The following AZGP1 variants were observed in gnomAD, a reference collection of about 807,000 sequenced individuals.
The protein encoded by AZGP1 is alpha-2-glycoprotein 1, zinc-binding, also known as zinc-alpha-2-glycoprotein.
In AZGP1, 28 loss-of-function variants were observed where a neutral mutation model predicts 31.5. The ratio of observed to expected loss-of-function variants is 0.89; its 90% CI spans 0.66 to 1.22. AZGP1 has a LOEUF of 1.22. Among genes scored for constraint, AZGP1 ranks in the 50% most tolerant of loss-of-function variants. The pLI, the probability that AZGP1 is intolerant of heterozygous loss-of-function variation, is 0.00. For missense variants in AZGP1, 361 were observed against 371.8 expected, an observed-to-expected ratio of 0.97 and a Z score of 0.24; for synonymous variants, 135 against 145.4, an observed-to-expected ratio of 0.93 and a Z score of 0.51.
rs749157495 is a variant in AZGP1 at position 99,968,381 on chromosome 7, T to A, written c.387A>T (p.Arg129Ser). 6.2e-7 allele frequency: 1 copy of A among 1,613,812 alleles called. No homozygotes were observed. Among genetic ancestry groups the A allele is most frequent in the Non-Finnish European group, 8.5e-7 (1 of 1,179,980 alleles). Residue 129 changes from arginine (R) to serine (S), a missense_variant, in exon 3 of 4, where the codon AGA becomes AGT. By Grantham distance (110) the Arg-to-Ser change is moderately radical. Transcript: ENST00000292401. Reference protein sequence around the residue: ...GRFGCEIENNRSSGAFWKYYY... With the variant: ...GRFGCEIENNSSSGAFWKYYY... ...AATATTTCCAGAATGCTCCGCTGCT[T>A]CTGTTATTCTCGATCTCACAACCAA... is the stretch of plus-strand genomic sequence containing the variant.
chr7:99,972,041 T>A, intron 1 of AZGP1, 35 bp from the exon 2 acceptor site: 1 of 1,570,332 alleles, frequency 6.4e-7, no homozygotes, highest in Non-Finnish European at 8.6e-7. Flanking sequence ...TTGAGGTCCA[T>A]GCAAGGGTCC....
intron 3 of AZGP1, chr7:99,967,618 GCAA>G: frequency 6.6e-6 from 3 of 451,130 alleles, no homozygotes; most frequent in Non-Finnish European, 8.0e-6. Context: ...CCTCTATCCA[GCAA>G]CCACTTCCCT....
intron 2 of AZGP1, among the ~76,000 whole-genome samples, chr7:99,969,408 T>TAA (rs3033213): frequency 0.42 from 59,648 of 141,252 alleles, 13,193 homozygotes; most frequent in East Asian, 0.62. Context: ...GACTCAGTCT[T>TAA]AAAAAAAAAA....
intron 1 of AZGP1, 132 bp from the exon 2 acceptor site, chr7:99,972,138 C>G: frequency 9.8e-7 from 1 of 1,023,538 alleles, no homozygotes; most frequent in Non-Finnish European, 1.4e-6. Context: ...AACTTCACAC[C>G]ACTGGAGGCT....
At chr7:99,970,599 T>C (rs918071043) in intron 2 of AZGP1, among the ~76,000 whole-genome samples, 2 of 152,088 alleles carry the variant, frequency 1.3e-5, no homozygotes, top group African/African-American at 4.8e-5. Context: ...CTCTTAATTA[T>C]CCACTTTGCC....
chr7:99,970,859 C>T (rs1400703638), intron 2 of AZGP1, among the ~76,000 whole-genome samples: 1 of 152,170 alleles, frequency 6.6e-6, no homozygotes, highest in African/African-American at 2.4e-5. Flanking sequence ...AATTTAACAC[C>T]AGCAGTTCAC....
intron 2 of AZGP1, among the ~76,000 whole-genome samples, chr7:99,969,175 G>A (rs374184755): frequency 6.6e-6 from 1 of 152,016 alleles, no homozygotes; most frequent in East Asian, 1.9e-4. Context: ...TAGGGAGGCT[G>A]AGGCCAAAGG....
At position 99,966,823 on chromosome 7, in the gene AZGP1, G is replaced by A. The variant is rs747530813; in HGVS notation, c.*180C>T. On this transcript the variant is annotated 3_prime_UTR_variant, in exon 4 of 4. Transcript: ENST00000292401. ...AGGTGAGATGATTTTTTGGGTCCAA[G>A]TCTACTCAAGACAGGCATCCCAGTC... is the stretch of plus-strand genomic sequence containing the variant. 3.2e-6 allele frequency: 3 copies of A among 924,170 alleles called. No homozygotes were observed. Among genetic ancestry groups the A allele is most frequent in the Non-Finnish European group, 4.8e-6 (3 of 623,064 alleles). The allele number at this position is 924,170 out of a possible 1,614,324, so 57.2% of individuals were successfully genotyped here. A position where few individuals can be genotyped will look rare whatever the true frequency, so the allele number is the denominator to read the frequency against.
chr7:99,968,962 C>CAAAGAAAA (rs1789537680), intron 2 of AZGP1, among the ~76,000 whole-genome samples: 1 of 26,700 alleles, frequency 3.7e-5, no homozygotes, highest in Non-Finnish European at 6.1e-5. Flanking sequence ...GACCCTATCT[C>CAAAGAAAA]AAAAAAAAAA....
chr7:99,975,493 G>A (rs1789646347), intron 1 of AZGP1, among the ~76,000 whole-genome samples: 1 of 152,046 alleles, frequency 6.6e-6, no homozygotes, highest in Admixed American at 6.6e-5. Flanking sequence ...GTGGGATTTG[G>A]GCACGGGTTT....
chr7:99,974,672 C>T (rs776902931), intron 1 of AZGP1, among the ~76,000 whole-genome samples: 9 of 152,146 alleles, frequency 5.9e-5, no homozygotes, highest in East Asian at 3.9e-4. Flanking sequence ...GTAACACAAA[C>T]GATAAAAGCT....
In AZGP1 at chr7:99,968,444, C is replaced by G; in HGVS notation, c.338-14G>C. On this transcript the variant is annotated splice_polypyrimidine_tract_variant and intron_variant, in intron 2 of 3. Transcript: ENST00000292401. ...ATACGTGAGACCCTGAAAACTCCCC[C>G]GACCCCACAGAGAGACAGTCAGCCT... 6.2e-7 allele frequency: 1 copy of G among 1,611,700 alleles called. No homozygotes were observed. Among genetic ancestry groups the G allele is most frequent in the Non-Finnish European group, 8.5e-7 (1 of 1,179,496 alleles).
Position 99,968,962 on chromosome 7 carries a change from C to CAAAAAAAAAAA in AZGP1, c.338-543_338-533dup, listed in dbSNP as rs869115613. On this transcript the variant is annotated intron_variant, in intron 2 of 3. Transcript: ENST00000292401. ...TGGGTGACAGAGTGAGACCCTATCT[C>CAAAAAAAAAAA]AAAAAAAAAAAAAAAAAAAAAAAAA... Among the ~76,000 whole-genome samples, 212 of 26,702 alleles carry CAAAAAAAAAAA rather than the reference C, an allele frequency of 7.9e-3. 78 individuals are homozygous for CAAAAAAAAAAA. Among genetic ancestry groups the CAAAAAAAAAAA allele is most frequent in the Non-Finnish European group, 8.3e-3 (136 of 16,390 alleles). 17.5% of individuals were successfully genotyped at this position (26,702 alleles called of 152,430 possible).
At chr7:99,967,826 A>G (rs1377260584) in intron 3 of AZGP1, 3 of 547,654 alleles carry the variant, frequency 5.5e-6, no homozygotes, top group Non-Finnish European at 9.6e-6. Flanking sequence ...TGAAATCTGG[A>G]ATTTGAGTCC....
At chr7:99,970,339 G>T (rs1368835507) in intron 2 of AZGP1, among the ~76,000 whole-genome samples, 1 of 152,100 alleles carries the variant, frequency 6.6e-6, no homozygotes, top group South Asian at 2.1e-4. Flanking sequence ...TGCCTCCTGG[G>T]TTCAAGCAAT....
At chr7:99,970,139 G>A (rs1789554761) in intron 2 of AZGP1, among the ~76,000 whole-genome samples, 1 of 152,068 alleles carries the variant, frequency 6.6e-6, no homozygotes, top group South Asian at 2.1e-4. Context: ...AATGCCAAGA[G>A]CACTGTTTTA....
Position 99,971,852 on chromosome 7 carries a change from C to T in AZGP1, c.231G>A (p.Val77=), listed in dbSNP as rs746222114. 4 of 1,614,150 alleles carry T rather than the reference C, an allele frequency of 2.5e-6. No individual in the cohort carries two copies. In the Admixed American group the frequency reaches 5.0e-5, roughly 20 times the overall value. The part of the protein sequence containing the change: ...KSQPMGLWRQ[V]EGMEDWKQDS... ...CCTGCTTCCAATCCTCCATTCCTTC[C>T]ACCTGTCTCCAGAGTCCCATGGGCT... Residue 77 remains valine (V), a synonymous_variant, in exon 2 of 4, where the codon GTG becomes GTA. Transcript: ENST00000292401.
rs771426823 is a variant in AZGP1, at chr7:99,967,015, C to G, written c.885G>C (p.Trp295Cys). ...SSLAQPLVVP[W>C]EAS is the part of the protein sequence containing the mutation. ...CAACCCTTGCTTCCTAGCTGGCCTC[C>G]CAGGGCACCACGAGGGGCTGGGCCA... The change falls in exon 4 of 4, where the codon TGG (tryptophan) becomes TGC (cysteine). Residue 295 changes from tryptophan (W) to cysteine (C), a missense_variant. Coordinates refer to ENST00000292401, the MANE Select transcript of AZGP1 (RefSeq NM_001185.4). 2.5e-6 allele frequency: 4 copies of G among 1,613,552 alleles called. No individual in the cohort carries two copies. The Admixed American group carries it at 6.7e-5, about 27-fold the overall frequency.
intron 1 of AZGP1, among the ~76,000 whole-genome samples, chr7:99,975,410 T>C (rs961785217): frequency 1.3e-5 from 2 of 152,192 alleles, no homozygotes; most frequent in African/African-American, 4.8e-5. Flanking sequence ...GAGTGACTCT[T>C]GATCTCCCGG....
Sources: gnomAD v4.1 joint callset for allele counts (sites outside exome capture counted in the v4.1 genomes callset) on GRCh38, gnomAD v4.1.1 for gene constraint, MANE v1.5 for transcripts, NCBI Gene and HGNC (gene_info 2026-07-23, HGNC 2026-07-21) for gene names.